Variants in SGO2 observed in about 807,000 individuals in gnomAD.
The protein encoded by SGO2 is shugoshin-like 2.
A neutral mutation model predicts 99.5 loss-of-function variants in SGO2; 68 were observed. That is an observed-to-expected ratio of 0.68 (90% CI 0.56 to 0.84). The LOEUF (loss-of-function observed/expected upper bound fraction) is 0.84. Ranked by LOEUF, SGO2 falls within the 40% of genes least tolerant of loss-of-function variation. SGO2 has a pLI of 0.00. For synonymous variants in SGO2, 457 were observed against 487.1 expected, an observed-to-expected ratio of 0.94 and a Z score of 0.81; for missense variants, 1,350 against 1,436.7, an observed-to-expected ratio of 0.94 and a Z score of 0.97.
chr2:200,581,923 G>A (rs888811300), intron 8 of SGO2, among the ~76,000 whole-genome samples: 17 of 152,140 alleles, frequency 1.1e-4, no homozygotes, highest in African/African-American at 4.1e-4. Context: ...CAAGGCAGTG[G>A]TATCACACTG....
At position 200,575,528 on chromosome 2, in the gene SGO2, TTAG is replaced by T. The variant is rs965686636; in HGVS notation, c.3782+70_3782+72del. 3.3e-6 allele frequency: 4 copies of T among 1,214,782 alleles called. No homozygotes were observed. The African/African-American group carries it at 4.5e-5, about 14-fold the overall frequency. 75.3% of individuals were successfully genotyped at this position (1,214,782 alleles called of 1,614,324 possible). A position where few individuals can be genotyped will look rare whatever the true frequency, so the allele number is the denominator to read the frequency against. On this transcript the variant is annotated intron_variant, in intron 8 of 8. Transcript: ENST00000357799. ...ATCCTTAAAAAAATTTCTGCCTGAATTAGTATTTGAGCACTTCTGATAATTCAA... is the reference window on the plus strand; with the variant it reads ...ATCCTTAAAAAAATTTCTGCCTGAATTATTTGAGCACTTCTGATAATTCAA...
At chr2:200,528,224 A>G (rs1340544242) in intron 1 of SGO2, among the ~76,000 whole-genome samples, 3 of 152,214 alleles carry the variant, frequency 2.0e-5, no homozygotes, top group African/African-American at 7.2e-5. Flanking sequence ...CATGGGAGTA[A>G]CATGAATTTA....
At chr2:200,558,899 T>G (rs2032830711) in intron 5 of SGO2, among the ~76,000 whole-genome samples, 1 of 151,502 alleles carries the variant, frequency 6.6e-6, no homozygotes, top group Non-Finnish European at 1.5e-5. Context: ...GCCTTCCGGG[T>G]TCAAGTGGTT....
intron 5 of SGO2, among the ~76,000 whole-genome samples, chr2:200,563,687 C>T (rs903048853): frequency 3.3e-5 from 5 of 152,156 alleles, no homozygotes; most frequent in African/African-American, 1.2e-4. Context: ...CCATCTGGTC[C>T]TGGACTTTTT....
intron 5 of SGO2, among the ~76,000 whole-genome samples, chr2:200,552,743 TG>T (rs551230771): frequency 8.9e-4 from 135 of 152,292 alleles, no homozygotes; most frequent in African/African-American, 3.2e-3. Context: ...TTGGTTTTGG[TG>T]GGTTTTGGCC....
rs1553562331 is a variant in SGO2 at position 200,570,478 on chromosome 2, A to ATTGTG, written c.704-571_704-570insTGTGT. On this transcript the variant is annotated intron_variant, in intron 6 of 8. Coordinates refer to ENST00000357799, the MANE Select transcript of SGO2 (RefSeq NM_152524.6). This position sits in a 1 kb window ranked among gnomAD's most constrained non-coding sequence, Gnocchi z 4.4. ...TTAGAATTGTTTTTCCTTTCTGAAA[A>ATTGTG]TGTGTGTGTGTGTGTGTGTGTGTGT... Among the ~76,000 whole-genome samples the ATTGTG allele has an allele frequency of 7.0e-6, 1 of 142,762 alleles. No individual in the cohort carries two copies. Among genetic ancestry groups the ATTGTG allele is most frequent in the Non-Finnish European group, 1.5e-5 (1 of 65,512 alleles). The allele number at this position is 142,762 out of a possible 152,430, so 93.7% of individuals were successfully genotyped here.
At chr2:200,532,199 G>A in intron 1 of SGO2, 1 of 159,030 alleles carries the variant, frequency 6.3e-6, no homozygotes, top group Non-Finnish European at 1.3e-5. Flanking sequence ...GCTGAGTCCT[G>A]TGGACTCAAG....
At chr2:200,531,332 T>C (rs1329462241) in intron 1 of SGO2, among the ~76,000 whole-genome samples, 3 of 152,120 alleles carry the variant, frequency 2.0e-5, no homozygotes, top group Admixed American at 6.5e-5. Flanking sequence ...GACCCAGGGA[T>C]TGATAACAGC....
At chr2:200,556,865 G>A (rs2106328616) in intron 5 of SGO2, among the ~76,000 whole-genome samples, 1 of 152,304 alleles carries the variant, frequency 6.6e-6, no homozygotes, top group Admixed American at 6.5e-5. Flanking sequence ...GACAGAGAGA[G>A]GGAGAGAGAG....
chr2:200,545,327 C>T (rs1370257946), intron 5 of SGO2, among the ~76,000 whole-genome samples: 7 of 152,142 alleles, frequency 4.6e-5, no homozygotes, highest in Admixed American at 3.9e-4. Flanking sequence ...GTATCTTCTA[C>T]TCTGTGGCTT....
intron 5 of SGO2, among the ~76,000 whole-genome samples, chr2:200,559,642 A>T (rs2032862254): frequency 6.6e-6 from 1 of 152,046 alleles, no homozygotes; most frequent in South Asian, 2.1e-4. Flanking sequence ...CCCAAGCTGG[A>T]CTTGATTTCC....
intron 5 of SGO2, among the ~76,000 whole-genome samples, chr2:200,554,264 A>G (rs1236174194): frequency 6.6e-6 from 1 of 152,202 alleles, no homozygotes; most frequent in African/African-American, 2.4e-5. Flanking sequence ...AAAACTAAAG[A>G]TCATCAACGT....
intron 8 of SGO2, among the ~76,000 whole-genome samples, chr2:200,577,678 CT>C (rs748786844): frequency 0.013 from 1,835 of 140,568 alleles, 37 homozygotes; most frequent in African/African-American, 0.04. Flanking sequence ...AGTTTTCAGT[CT>C]TTTTTTTTTT....
intron 5 of SGO2, among the ~76,000 whole-genome samples, chr2:200,543,934 T>C (rs150644591): frequency 6.6e-6 from 1 of 152,320 alleles, no homozygotes; most frequent in East Asian, 1.9e-4. Context: ...TGTTGTGTAA[T>C]GCATACCCAG....
intron 1 of SGO2, among the ~76,000 whole-genome samples, chr2:200,530,731 G>A (rs937476870): frequency 1.3e-5 from 2 of 152,180 alleles, no homozygotes; most frequent in African/African-American, 4.8e-5. Flanking sequence ...CAATTTTTGA[G>A]GAAGGAGAAA....
intron 4 of SGO2, among the ~76,000 whole-genome samples, chr2:200,537,516 A>G (rs531816278): frequency 5.3e-5 from 8 of 152,136 alleles, no homozygotes; most frequent in African/African-American, 1.9e-4. Flanking sequence ...TGGTTCTTCT[A>G]TTGACTTCAC....
Position 200,571,088 on chromosome 2 carries a change from C to T in SGO2, c.742C>T (p.Leu248=). ...CTCAGACCAAAGTTCTAAGACTTCTCTAATGAGTGAGATGAGAAACGCCCA... is the reference window on the plus strand; with the variant it reads ...CTCAGACCAAAGTTCTAAGACTTCTTTAATGAGTGAGATGAGAAACGCCCA... The part of the protein sequence containing the change: ...SHSDQSSKTS[L]MSEMRNAQSI... Residue 248 remains leucine (L), a synonymous_variant, in exon 7 of 9, where the codon CTA becomes TTA. Coordinates refer to ENST00000357799, the MANE Select transcript of SGO2 (RefSeq NM_152524.6). The T allele has an allele frequency of 6.2e-7, 1 of 1,609,076 alleles. No homozygotes were observed. Among genetic ancestry groups the T allele is most frequent in the East Asian group, 2.2e-5 (1 of 44,840 alleles).
At chr2:200,532,498 AT>A in intron 1 of SGO2, 1 of 943,250 alleles carries the variant, frequency 1.1e-6, no homozygotes, top group Non-Finnish European at 1.3e-6. Context: ...TAATGTAATG[AT>A]TTCTTTATCT....
chr2:200,577,471 G>A (rs1326184839), intron 8 of SGO2, among the ~76,000 whole-genome samples: 1 of 152,052 alleles, frequency 6.6e-6, no homozygotes, highest in African/African-American at 2.4e-5. Context: ...TTCCCCTATG[G>A]TCCTCTCCCA....
Sources: allele counts gnomAD v4.1 joint callset (sites outside exome capture counted in the v4.1 genomes callset), GRCh38; gene constraint gnomAD v4.1.1; non-coding constraint Gnocchi (gnomAD v3.1); transcripts MANE v1.5; gene names NCBI Gene and HGNC (gene_info 2026-07-23, HGNC 2026-07-21).